The following GPR137B variants were observed in gnomAD, a reference collection of about 807,000 sequenced individuals.
The protein encoded by GPR137B is G protein-coupled receptor 137B, also known as integral membrane protein GPR137B.
A neutral mutation model predicts 42.5 loss-of-function variants in GPR137B; 42 were observed. That is an observed-to-expected ratio of 0.99 (90% CI 0.77 to 1.28). GPR137B has a LOEUF of 1.28. Among genes scored for constraint, GPR137B ranks in the 50% most tolerant of loss-of-function variants. GPR137B has a pLI of 0.00. For synonymous variants in GPR137B, 218 were observed against 209.7 expected (o/e 1.04, Z -0.34); for missense variants, 487 against 493.9 (o/e 0.99, Z 0.13).
At chr1:236,206,337 G>GT (rs1004123835) in intron 6 of GPR137B, among the ~76,000 whole-genome samples, 23 of 152,290 alleles carry the variant, frequency 1.5e-4, no homozygotes, top group African/African-American at 5.5e-4. Context: ...AACTCAGGCA[G>GT]TTTTGTTCAA....
At chr1:236,205,707 A>AT (rs1299779268) in intron 6 of GPR137B, among the ~76,000 whole-genome samples, 1 of 151,988 alleles carries the variant, frequency 6.6e-6, no homozygotes, top group Non-Finnish European at 1.5e-5. Flanking sequence ...CACCCAGCAA[A>AT]TTTTTTTATT....
chr1:236,190,222 T>C (rs184363807), intron 5 of GPR137B, among the ~76,000 whole-genome samples: 4 of 151,586 alleles, frequency 2.6e-5, no homozygotes, highest in Non-Finnish European at 5.9e-5. Flanking sequence ...AGCCTATGTA[T>C]GTCTTTTCAC....
In GPR137B at chr1:236,142,779, T is replaced by G. The variant is rs769030856; in HGVS notation, c.157T>G (p.Tyr53Asp). Residue 53 changes from tyrosine (Y) to aspartate (D), a missense_variant, in exon 1 of 7, where the codon TAC becomes GAC. By Grantham distance (160) the Tyr-to-Asp change is radical. Transcript: ENST00000366592. ...LGLTVVYTVF[Y>D]ALLFVFIYVQ... Reference sequence around the variant, plus strand: ...CCTCACCGTCGTCTACACCGTGTTCTACGCGCTGCTCTTCGTGTTCATCTA... The same window carrying G: ...CCTCACCGTCGTCTACACCGTGTTCGACGCGCTGCTCTTCGTGTTCATCTA... 8 of 1,613,804 alleles carry G rather than the reference T, an allele frequency of 5.0e-6. No homozygotes were observed. Among genetic ancestry groups the G allele is most frequent in the Non-Finnish European group, 6.8e-6 (8 of 1,180,008 alleles).
At chr1:236,173,425 G>A (rs79294400) in intron 2 of GPR137B, among the ~76,000 whole-genome samples, 2 of 74,806 alleles carry the variant, frequency 2.7e-5, no homozygotes, top group Non-Finnish European at 2.5e-5. Context: ...AGAGGAAGGA[G>A]GGAGGGAGGG....
In GPR137B at chr1:236,208,867, T is replaced by TAG. The variant is rs1399359507; in HGVS notation, c.*710_*711dup. 1.0e-6 allele frequency: 1 copy of TAG among 983,860 alleles called. No homozygotes were observed. The allele number at this position is 983,860 out of a possible 1,614,324, so 60.9% of individuals were successfully genotyped here. ...TGATAAGTTGATAACATTAAAAATG[T>TAG]AGCTGACTTATCCTATTAAACCTCC... is the stretch of plus-strand genomic sequence containing the variant. On this transcript the variant is annotated 3_prime_UTR_variant, in exon 7 of 7. Transcript: ENST00000366592.
intron 6 of GPR137B, 86 bp downstream of exon 6, chr1:236,205,336 T>C: frequency 8.2e-7 from 1 of 1,222,234 alleles, no homozygotes. Flanking sequence ...AGAAAATTCC[T>C]ACGTTAAAAC....
chr1:236,152,669 G>A (rs2102892412), intron 1 of GPR137B, among the ~76,000 whole-genome samples: 1 of 152,204 alleles, frequency 6.6e-6, no homozygotes, highest in Middle Eastern at 3.4e-3. Context: ...CAGGAGAATT[G>A]CTTGAATCCG....
chr1:236,152,210 C>T lies in GPR137B; in HGVS notation c.414+9174C>T, dbSNP rs550790624. ...GGTGTGGTGAATTACACCTGTAATC[C>T]CAACACTTTGGGAGGACGAGGCAGG... is the stretch of plus-strand genomic sequence containing the variant. On this transcript the variant is annotated intron_variant, in intron 1 of 6. Transcript: ENST00000366592. Among the ~76,000 whole-genome samples the T allele has an allele frequency of 1.5e-4, 23 of 151,826 alleles. No homozygotes were observed. The East Asian group carries it at 4.1e-3, about 27-fold the overall frequency.
At chr1:236,177,186 A>G (rs897758494) in intron 2 of GPR137B, among the ~76,000 whole-genome samples, 1 of 152,122 alleles carries the variant, frequency 6.6e-6, no homozygotes, top group Admixed American at 6.6e-5. Flanking sequence ...GATTAGCCTG[A>G]GTAAGTGGGG....
At chr1:236,191,500 T>G (rs10924680) in intron 5 of GPR137B, among the ~76,000 whole-genome samples, 81,499 of 152,066 alleles carry the variant, frequency 0.54, 24,422 homozygotes, top group East Asian at 0.84. Context: ...TGGTCTTTGA[T>G]GTTGGTGACC....
At chr1:236,166,717 G>A (rs1662369435) in intron 1 of GPR137B, among the ~76,000 whole-genome samples, 1 of 152,048 alleles carries the variant, frequency 6.6e-6, no homozygotes, top group African/African-American at 2.4e-5. Context: ...GGGCACAGTG[G>A]CTAACGCCTG....
chr1:236,172,240 C>T (rs1662557093), intron 2 of GPR137B, among the ~76,000 whole-genome samples: 1 of 152,170 alleles, frequency 6.6e-6, no homozygotes, highest in South Asian at 2.1e-4. Flanking sequence ...TCTCTTAAAC[C>T]AGATGCCACT....
At chr1:236,157,275 A>G (rs1281871307) in intron 1 of GPR137B, among the ~76,000 whole-genome samples, 1 of 147,902 alleles carries the variant, frequency 6.8e-6, no homozygotes, top group Admixed American at 6.9e-5. Context: ...CCCAGGCTGG[A>G]GTGCAGTGGC....
intron 1 of GPR137B, among the ~76,000 whole-genome samples, chr1:236,161,498 C>CACCTCCTCAT (rs1558482087): frequency 6.6e-6 from 1 of 151,072 alleles, no homozygotes; most frequent in Non-Finnish European, 1.5e-5. Flanking sequence ...CACCTCCTCA[C>CACCTCCTCAT]GCCTCCCACT....
At chr1:236,164,896 GA>G (rs1662305722) in intron 1 of GPR137B, among the ~76,000 whole-genome samples, 1 of 117,456 alleles carries the variant, frequency 8.5e-6, no homozygotes, top group East Asian at 2.9e-4. Context: ...AAGAGAGAGA[GA>G]GAGAGAGAGA....
Position 236,150,567 on chromosome 1 carries a change from A to G in GPR137B, c.414+7531A>G, listed in dbSNP as rs1661829358. Among the ~76,000 whole-genome samples the G allele has an allele frequency of 2.0e-5, 3 of 152,238 alleles. 1 individual carries two copies. In the South Asian group the frequency reaches 6.2e-4, roughly 32 times the overall value. The stretch of plus-strand genomic sequence containing the variant: ...TGTTAATGCCCTCAGCACTCGGGGA[A>G]CAATTAGGCCCCTCACAGCACATTC... On this transcript the variant is annotated intron_variant, in intron 1 of 6. Coordinates refer to ENST00000366592, the MANE Select transcript of GPR137B (RefSeq NM_003272.4). This position sits in a 1 kb window ranked among gnomAD's most constrained non-coding sequence, Gnocchi z 6.2.
At chr1:236,162,067 T>C (rs1245696096) in intron 1 of GPR137B, among the ~76,000 whole-genome samples, 2 of 152,218 alleles carry the variant, frequency 1.3e-5, no homozygotes, top group African/African-American at 2.4e-5. Flanking sequence ...TAGAGACTTA[T>C]TGAATGGCTT....
At chr1:236,204,124 C>T (rs1663580431) in intron 5 of GPR137B, among the ~76,000 whole-genome samples, 1 of 150,504 alleles carries the variant, frequency 6.6e-6, no homozygotes, top group Non-Finnish European at 1.5e-5. Flanking sequence ...CATGAAGGAA[C>T]ACTGAATTTT....
rs764184387 is a variant in GPR137B at position 236,178,434 on chromosome 1, C to A, written c.485C>A (p.Ser162Tyr). 6.2e-7 allele frequency: 1 copy of A among 1,613,592 alleles called. No individual in the cohort carries two copies. The highest frequency in any genetic ancestry group is 8.5e-7 in the Non-Finnish European group (1 of 1,179,832). The change falls in exon 3 of 7, where the codon TCC (serine) becomes TAC (tyrosine). Residue 162 changes from serine to tyrosine, a missense_variant. By Grantham distance (144) the Ser-to-Tyr change is moderately radical (BLOSUM62 -2). Coordinates refer to ENST00000366592, the MANE Select transcript of GPR137B (RefSeq NM_003272.4). ...TCCAGGTTGCCCCTCTACCTGGCCT[C>A]CCTCTTCATCAGCCTTGTTTTCCTG... The part of the protein sequence containing the change: ...LKYRLPLYLA[S>Y]LFISLVFLLV...
Sources: gnomAD v4.1 joint callset for allele counts (sites outside exome capture counted in the v4.1 genomes callset) on GRCh38, gnomAD v4.1.1 for gene constraint, Gnocchi (gnomAD v3.1) non-coding constraint, MANE v1.5 for transcripts, NCBI Gene and HGNC (gene_info 2026-07-23, HGNC 2026-07-21) for gene names.